Variants in STX5 observed in about 807,000 individuals in gnomAD.
The protein encoded by STX5 is syntaxin 5, also known as syntaxin-5.
A neutral mutation model predicts 42.9 loss-of-function variants in STX5; 15 were observed. That is an observed-to-expected ratio of 0.35 (90% CI 0.23 to 0.54). The LOEUF (loss-of-function observed/expected upper bound fraction) is 0.54. Ranked by LOEUF, STX5 falls within the 20% of genes least tolerant of loss-of-function variation. STX5 has a pLI of 0.91. For synonymous variants in STX5, 184 were observed against 173.2 expected (o/e 1.06, Z -0.49); for missense variants, 430 against 455.0 (o/e 0.95, Z 0.50).
In STX5 at chr11:62,827,616, TTGTC is replaced by T. The variant is rs752636250; in HGVS notation, c.237_240del (p.Thr80IlefsTer35). On this transcript the variant is annotated frameshift_variant, in exon 3 of 11. Coordinates refer to ENST00000294179, the MANE Select transcript of STX5 (RefSeq NM_003164.5). LOFTEE classifies it high-confidence loss of function. ...CGGACAGCACGCAAAGCTGGCTTAT[TTGTC>T]TGGATTCCATTCTGAAAAGCAATGG... 1 of 1,614,226 alleles carries T rather than the reference TTGTC, an allele frequency of 6.2e-7. No homozygotes were observed. The highest frequency in any genetic ancestry group is 8.5e-7 in the Non-Finnish European group (1 of 1,180,040).
rs552068944 is a variant in STX5 at position 62,812,381 on chromosome 11, A to G, written c.909-4753T>C. 2.0e-5 allele frequency among the ~76,000 whole-genome samples: 3 copies of G among 151,632 alleles called. No individual in the cohort carries two copies. The East Asian group carries it at 5.8e-4, about 30-fold the overall frequency. ...CATGAGCCACTGCGCCTGGCCCTCCATATCTTTTATAATTCTGTTTCACTG... is the reference window on the plus strand; with the variant it reads ...CATGAGCCACTGCGCCTGGCCCTCCGTATCTTTTATAATTCTGTTTCACTG... On this transcript the variant is annotated intron_variant, in intron 10 of 10. Transcript: ENST00000294179.
chr11:62,809,337 A>G (rs184540511), intron 10 of STX5, among the ~76,000 whole-genome samples: 1 of 149,284 alleles, frequency 6.7e-6, no homozygotes, highest in East Asian at 2.0e-4. Flanking sequence ...ACATGGGCTG[A>G]TTACTGGATC....
chr11:62,813,110 A>T (rs916103592), intron 10 of STX5, among the ~76,000 whole-genome samples: 3 of 151,404 alleles, frequency 2.0e-5, no homozygotes, highest in African/African-American at 7.3e-5. Flanking sequence ...AAAAAAAAAA[A>T]AAATCAGTCA....
At chr11:62,812,462 A>C (rs1296207756) in intron 10 of STX5, among the ~76,000 whole-genome samples, 1 of 151,654 alleles carries the variant, frequency 6.6e-6, no homozygotes, top group East Asian at 2.0e-4. Flanking sequence ...CCCAGGTTGG[A>C]GTGCAGTGGC....
intron 10 of STX5, among the ~76,000 whole-genome samples, chr11:62,822,011 TGA>T (rs2084745560): frequency 6.8e-6 from 1 of 146,222 alleles, no homozygotes; most frequent in Admixed American, 6.9e-5. Context: ...AGCGACAGAG[TGA>T]GACTCCATCT....
chr11:62,832,048 G>A lies in STX5; in HGVS notation c.-114C>T, dbSNP rs1019286190. On this transcript the variant is annotated 5_prime_UTR_variant, in exon 1 of 11. Coordinates refer to ENST00000294179, the MANE Select transcript of STX5 (RefSeq NM_003164.5). ...CTGAAGCCGCCGAAACCCGACCAAA[G>A]ACTGGAAGCGGCCACGTCACCTACA... 6.4e-5 allele frequency: 32 copies of A among 497,728 alleles called. No individual in the cohort carries two copies. The highest frequency in any genetic ancestry group is 5.6e-4 in the African/African-American group (29 of 51,664). The allele number at this position is 497,728 out of a possible 1,614,324, so 30.8% of individuals were successfully genotyped here.
chr11:62,823,526 T>C (rs1354188841), intron 10 of STX5, among the ~76,000 whole-genome samples: 2 of 151,976 alleles, frequency 1.3e-5, no homozygotes, highest in Non-Finnish European at 2.9e-5. Context: ...TATTACTCCC[T>C]GAAATTTTGT....
Position 62,819,220 on chromosome 11 carries a change from G to GAAAAAAAA in STX5, c.908+4938_908+4945dup. On this transcript the variant is annotated intron_variant, in intron 10 of 10. Transcript: ENST00000294179. ...TGGGCAACAGAGTGAGACTCTGTCTGAAAAAAAAAAAAAAAAAAAAAAAAA... is the reference window on the plus strand; with the variant it reads ...TGGGCAACAGAGTGAGACTCTGTCTGAAAAAAAAAAAAAAAAAAAAAAAAAAAAAAAAA... 1.5e-3 allele frequency among the ~76,000 whole-genome samples: 44 copies of GAAAAAAAA among 29,642 alleles called. 2 individuals carry two copies. The highest frequency in any genetic ancestry group is 2.0e-3 in the Non-Finnish European group (38 of 18,682). 19.4% of individuals were successfully genotyped at this position (29,642 alleles called of 152,430 possible).
At chr11:62,817,827 T>G (rs1002992109) in intron 10 of STX5, among the ~76,000 whole-genome samples, 7 of 152,004 alleles carry the variant, frequency 4.6e-5, no homozygotes, top group Non-Finnish European at 8.8e-5. Flanking sequence ...AAAATATACA[T>G]AAAATAAATA....
Position 62,807,566 on chromosome 11 carries a change from T to G in STX5, c.971A>C (p.Lys324Thr), listed in dbSNP as rs2084566418. ...DVEAAHSEIL[K>T]YFQSVTSNRW... Reference sequence around the variant, plus strand: ...GTTGGAGGTGACAGACTGGAAGTACTTGAGGATCTCTGAATGGGCGGCCTC... The same window carrying G: ...GTTGGAGGTGACAGACTGGAAGTACGTGAGGATCTCTGAATGGGCGGCCTC... Residue 324 changes from lysine (K) to threonine (T), a missense_variant, in exon 11 of 11, where the codon AAG becomes ACG. By Grantham distance (78) the Lys-to-Thr change is moderately conservative (BLOSUM62 -1). Coordinates refer to ENST00000294179, the MANE Select transcript of STX5 (RefSeq NM_003164.5). The G allele has an allele frequency of 6.2e-7, 1 of 1,614,148 alleles. No individual in the cohort carries two copies. The highest frequency in any genetic ancestry group is 1.3e-5 in the African/African-American group (1 of 75,046).
At position 62,824,265 on chromosome 11, in the gene STX5, G is replaced by A. The variant is rs1228897347; in HGVS notation, c.809C>T (p.Ala270Val). 1.2e-6 allele frequency: 2 copies of A among 1,614,070 alleles called. No individual in the cohort carries two copies. Among genetic ancestry groups the A allele is most frequent in the African/African-American group, 2.7e-5 (2 of 74,924 alleles). ...CGACTCAATGTTCTGCATGGTGTCT[G>A]CCCGACTCTGGATGTAGGAATCCTT... ...DEQDSYIQSR[A>V]DTMQNIESTI... The change falls in exon 10 of 11, where the codon GCA becomes GTA. Residue 270 changes from alanine to valine, a missense_variant. Physicochemically the swap from Ala to Val is moderately conservative, Grantham distance 64 (BLOSUM62 0). Transcript: ENST00000294179.
In STX5 at chr11:62,825,455, T is replaced by C. The variant is rs1332378105; in HGVS notation, c.508A>G (p.Thr170Ala). 6.2e-7 allele frequency: 1 copy of C among 1,613,978 alleles called. No individual in the cohort carries two copies. The highest frequency in any genetic ancestry group is 1.7e-5 in the Admixed American group (1 of 59,994). ...KGSQSGRHLQ[T>A]HSNTIVVSLQ... The stretch of plus-strand genomic sequence containing the variant: ...GAGACCACAATGGTGTTGGAGTGGG[T>C]CTGCAGGTGCCGGCCACTCTGGCTG... The change falls in exon 6 of 11, where the codon ACC becomes GCC. Residue 170 changes from threonine to alanine, a missense_variant. Physicochemically the swap from Thr to Ala is moderately conservative, Grantham distance 58. Coordinates refer to ENST00000294179, the MANE Select transcript of STX5 (RefSeq NM_003164.5).
intron 10 of STX5, among the ~76,000 whole-genome samples, chr11:62,822,260 G>C (rs980947706): frequency 6.6e-6 from 1 of 151,958 alleles, no homozygotes; most frequent in Non-Finnish European, 1.5e-5. Context: ...GTACTCGGGA[G>C]ACTGAGGCAT....
intron 10 of STX5, among the ~76,000 whole-genome samples, chr11:62,813,552 G>A (rs1158940727): frequency 3.9e-5 from 6 of 152,150 alleles, no homozygotes; most frequent in Admixed American, 3.9e-4. Flanking sequence ...AGGCTGCTTA[G>A]TGGATTGATG....
At chr11:62,808,518 G>A (rs1315647782) in intron 10 of STX5, among the ~76,000 whole-genome samples, 2 of 152,068 alleles carry the variant, frequency 1.3e-5, no homozygotes, top group Non-Finnish European at 2.9e-5. Flanking sequence ...GTAGGCCCAG[G>A]CAGGAGGATC....
intron 10 of STX5, among the ~76,000 whole-genome samples, chr11:62,812,111 CTT>C (rs1259544341): frequency 1.0e-5 from 1 of 96,978 alleles, no homozygotes; most frequent in African/African-American, 4.0e-5. Context: ...GAGTTTTGCT[CTT>C]GTTGCCCAGG....
chr11:62,831,495 C>A (rs960501663), intron 1 of STX5, among the ~76,000 whole-genome samples: 1 of 152,102 alleles, frequency 6.6e-6, no homozygotes, highest in Admixed American at 6.5e-5. Context: ...GGCCAGAGCG[C>A]GGGCCGGGGA....
chr11:62,819,892 C>T (rs1379195658), intron 10 of STX5, among the ~76,000 whole-genome samples: 3 of 148,554 alleles, frequency 2.0e-5, no homozygotes, highest in South Asian at 2.1e-4. Context: ...AGTTGAGATG[C>T]GGTTTCACCA....
chr11:62,825,185 C>T, intron 7 of STX5, 68 bp from the exon 8 acceptor site: 1 of 1,611,118 alleles, frequency 6.2e-7, no homozygotes, highest in South Asian at 1.1e-5. Flanking sequence ...GAGACTCCCA[C>T]CATTGGCCCC....
Sources: allele counts gnomAD v4.1 joint callset (sites outside exome capture counted in the v4.1 genomes callset), GRCh38; gene constraint gnomAD v4.1.1; transcripts MANE v1.5; gene names NCBI Gene and HGNC (gene_info 2026-07-23, HGNC 2026-07-21).